ELF5: variants seen among roughly 807,000 people sequenced by gnomAD.
ELF5 encodes the protein E74 like ETS transcription factor 5.
In ELF5, 31 loss-of-function variants were observed where a neutral mutation model predicts 38.2. The ratio of observed to expected loss-of-function variants is 0.81; its 90% CI spans 0.61 to 1.10. The LOEUF (loss-of-function observed/expected upper bound fraction) is 1.10, where lower values mean the gene tolerates loss of function less well. Ranked by LOEUF, ELF5 falls within the 50% of genes least tolerant of loss-of-function variation. The pLI, the probability that ELF5 is intolerant of heterozygous loss-of-function variation, is 0.00. For missense variants in ELF5, 300 were observed against 306.6 expected, an observed-to-expected ratio of 0.98 and a Z score of 0.16; for synonymous variants, 121 against 112.5, an observed-to-expected ratio of 1.08 and a Z score of -0.48.
At chr11:34,483,693 G>A (rs1175785523) in intron 4 of ELF5, among the ~76,000 whole-genome samples, 3 of 151,704 alleles carry the variant, frequency 2.0e-5, no homozygotes. Flanking sequence ...CAACTATACT[G>A]TACTGTACCA....
At chr11:34,491,007 A>G (rs553235844) in intron 3 of ELF5, among the ~76,000 whole-genome samples, 47 of 152,176 alleles carry the variant, frequency 3.1e-4, no homozygotes, top group African/African-American at 1.1e-3. Context: ...TCCTACTGCA[A>G]TACCTACCGA....
chr11:34,485,203 C>T (rs1849957940), intron 4 of ELF5, among the ~76,000 whole-genome samples: 1 of 152,170 alleles, frequency 6.6e-6, no homozygotes, highest in African/African-American at 2.4e-5. Context: ...AGAATCTTTT[C>T]CAGATGGTGG....
At chr11:34,498,722 T>A (rs1290295370) in intron 2 of ELF5, among the ~76,000 whole-genome samples, 2 of 152,150 alleles carry the variant, frequency 1.3e-5, no homozygotes, top group Admixed American at 1.3e-4. Context: ...GATCAGAGGG[T>A]GAGTCCATTA....
intron 4 of ELF5, among the ~76,000 whole-genome samples, chr11:34,487,006 A>T (rs1850011653): frequency 6.6e-6 from 1 of 152,182 alleles, no homozygotes; most frequent in Non-Finnish European, 1.5e-5. Context: ...CACCATGATC[A>T]CGTGTCCTGG....
intron 2 of ELF5, 145 bp from the exon 3 acceptor site, chr11:34,493,857 C>T (rs2133886032): frequency 3.0e-6 from 2 of 665,422 alleles, no homozygotes; most frequent in East Asian, 5.5e-5. Flanking sequence ...TCTGCAGAGC[C>T]CAGGTCACCT....
At chr11:34,510,726 A>G (rs982653718) in intron 1 of ELF5, among the ~76,000 whole-genome samples, 3 of 152,190 alleles carry the variant, frequency 2.0e-5, no homozygotes, top group African/African-American at 7.2e-5. Context: ...ATCATGCTCC[A>G]AAGGTCTACA....
intron 5 of ELF5, among the ~76,000 whole-genome samples, chr11:34,481,958 C>T (rs1380392093): frequency 6.6e-6 from 1 of 152,202 alleles, no homozygotes; most frequent in Non-Finnish European, 1.5e-5. Context: ...ACAAGCTTGA[C>T]ACTGCTCTGG....
chr11:34,485,487 C>A (rs1423615241), intron 4 of ELF5, among the ~76,000 whole-genome samples: 1 of 152,318 alleles, frequency 6.6e-6, no homozygotes, highest in East Asian at 1.9e-4. Context: ...GAATAGACAA[C>A]AAGCGTTCAC....
intron 4 of ELF5, among the ~76,000 whole-genome samples, chr11:34,484,482 A>ACTATCCTATACTATCCTATACTATC (rs769315692): frequency 1.3e-3 from 28 of 21,224 alleles, no homozygotes; most frequent in African/African-American, 2.7e-3. Context: ...CACTATACTA[A>ACTATCCTATACTATCCTATACTATC]CTATACTATA....
intron 2 of ELF5, among the ~76,000 whole-genome samples, chr11:34,497,584 C>T (rs758848065): frequency 2.0e-5 from 3 of 152,150 alleles, no homozygotes; most frequent in Admixed American, 6.5e-5. Context: ...ACCAGATGCC[C>T]GCAGGGTCAG....
intron 4 of ELF5, among the ~76,000 whole-genome samples, chr11:34,486,846 C>A (rs1319985542): frequency 6.6e-6 from 1 of 152,222 alleles, no homozygotes; most frequent in East Asian, 1.9e-4. Flanking sequence ...TCGTTGAAGA[C>A]CCAATGGGAA....
intron 2 of ELF5, among the ~76,000 whole-genome samples, chr11:34,505,317 A>T (rs891861637): frequency 1.3e-5 from 2 of 152,190 alleles, no homozygotes; most frequent in East Asian, 3.9e-4. Context: ...TCTTTCTACT[A>T]CATTGTTTAA....
chr11:34,497,810 A>G (rs55633825), intron 2 of ELF5, among the ~76,000 whole-genome samples: 20,176 of 152,168 alleles, frequency 0.13, 1,482 homozygotes, highest in Admixed American at 0.21. Flanking sequence ...CCCAGTCAAA[A>G]TGTCTTCATG....
At chr11:34,496,603 C>T (rs183825233) in intron 2 of ELF5, among the ~76,000 whole-genome samples, 139 of 152,308 alleles carry the variant, frequency 9.1e-4, no homozygotes, top group African/African-American at 3.1e-3. Context: ...ATCCTCACTC[C>T]CCCTCGCAGA....
chr11:34,504,666 C>G (rs1850560955), intron 2 of ELF5, among the ~76,000 whole-genome samples: 1 of 152,208 alleles, frequency 6.6e-6, no homozygotes, highest in South Asian at 2.1e-4. Context: ...ACTTGCATGA[C>G]CGCTGAGCAG....
Position 34,479,131 on chromosome 11 carries a change from T to G in ELF5, c.*1087A>C, listed in dbSNP as rs1426242557. 6.6e-6 allele frequency: 1 copy of G among 152,646 alleles called. No homozygotes were observed. Among genetic ancestry groups the G allele is most frequent in the African/African-American group, 2.4e-5 (1 of 41,442 alleles). 9.5% of individuals were successfully genotyped at this position (152,646 alleles called of 1,614,324 possible). ...TCACTATTTTTGTCAAGGAAATACG[T>G]GTTATAGCGCTTGAATACACATCAG... On this transcript the variant is annotated 3_prime_UTR_variant, in exon 7 of 7. Transcript: ENST00000257832.
chr11:34,488,765 G>T (rs545625952), intron 4 of ELF5, among the ~76,000 whole-genome samples: 1 of 152,330 alleles, frequency 6.6e-6, no homozygotes, highest in African/African-American at 2.4e-5. Flanking sequence ...CTGGAGAAAG[G>T]GTTGGTCAGG....
At chr11:34,485,655 G>A (rs917745910) in intron 4 of ELF5, among the ~76,000 whole-genome samples, 1 of 152,186 alleles carries the variant, frequency 6.6e-6, no homozygotes, top group Admixed American at 6.5e-5. Flanking sequence ...AATTTCTTCC[G>A]TGGGTCTTGC....
chr11:34,480,094 A>G lies in ELF5; in HGVS notation c.*124T>C, dbSNP rs2133866845. The G allele has an allele frequency of 3.8e-6, 3 of 781,190 alleles. No homozygotes were observed. The South Asian group carries it at 5.5e-5, about 14-fold the overall frequency. 48.4% of individuals were successfully genotyped at this position (781,190 alleles called of 1,614,324 possible). ...CAAATGTAAGCTGAGATGTGGAGAA[A>G]TTTTATCAGCATGTTTGCAGGTTAA... On this transcript the variant is annotated 3_prime_UTR_variant, in exon 7 of 7. Transcript: ENST00000257832.
Sources: allele counts gnomAD v4.1 joint callset (sites outside exome capture counted in the v4.1 genomes callset), GRCh38; gene constraint gnomAD v4.1.1; transcripts MANE v1.5; gene names NCBI Gene and HGNC (gene_info 2026-07-23, HGNC 2026-07-21).